The following IKZF3 variants were observed in gnomAD, a reference collection of about 807,000 sequenced individuals.
IKZF3 encodes IKAROS family zinc finger 3.
Under a neutral mutation model 49.0 loss-of-function variants are expected in IKZF3, and 10 were observed. The observed-to-expected ratio is 0.20, with a 90% CI of 0.13 to 0.35. The LOEUF (loss-of-function observed/expected upper bound fraction) is 0.35. Among genes scored for constraint, IKZF3 ranks in the 10% least tolerant of loss-of-function variants. IKZF3 has a pLI of 1.00. For missense variants in IKZF3, 498 were observed against 664.8 expected (o/e 0.75, Z 2.76); for synonymous variants, 209 against 228.2 (o/e 0.92, Z 0.76).
chr17:39,829,535 T>C, intron 2 of IKZF3, 47 bp from the exon 3 acceptor site: 1 of 1,349,222 alleles, frequency 7.4e-7, no homozygotes, highest in Non-Finnish European at 1.1e-6. Flanking sequence ...CGTTAAAGGA[T>C]TTTTATAAAT....
intron 7 of IKZF3, among the ~76,000 whole-genome samples, chr17:39,773,006 G>C (rs1166242757): frequency 6.6e-6 from 1 of 152,108 alleles, no homozygotes; most frequent in Admixed American, 6.6e-5. Flanking sequence ...AGTAGAGATA[G>C]GGTTTCACCA....
intron 1 of IKZF3, chr17:39,835,273 TG>T: frequency 3.6e-6 from 2 of 552,246 alleles, no homozygotes. Context: ...AGGGCCAGCT[TG>T]ATGGTCATCA....
chr17:39,761,396 G>A lies in IKZF3; in HGVS notation c.*4394C>T, dbSNP rs944959501. The A allele has an allele frequency of 6.6e-6, 1 of 151,450 alleles. No individual in the cohort carries two copies. The highest frequency in any genetic ancestry group is 6.6e-5 in the Admixed American group (1 of 15,208). 9.4% of individuals were successfully genotyped at this position (151,450 alleles called of 1,614,324 possible). A position where few individuals can be genotyped will look rare whatever the true frequency, so the allele number is the denominator to read the frequency against. On this transcript the variant is annotated 3_prime_UTR_variant, in exon 8 of 8. Coordinates refer to ENST00000346872, the MANE Select transcript of IKZF3 (RefSeq NM_012481.5). Reference sequence around the variant, plus strand: ...TAGTTTTCTTTCCGTAGGAAGTACCGATGCAACACTTCAGGTAGTGACAGA... The same window carrying A: ...TAGTTTTCTTTCCGTAGGAAGTACCAATGCAACACTTCAGGTAGTGACAGA...
intron 1 of IKZF3, among the ~76,000 whole-genome samples, chr17:39,863,880 T>A (rs2063287302): frequency 6.6e-6 from 1 of 152,232 alleles, no homozygotes; most frequent in African/African-American, 2.4e-5. Flanking sequence ...ACCCCCCATG[T>A]CTGACAACTC....
At position 39,777,781 on chromosome 17, in the gene IKZF3, A is replaced by G; in HGVS notation, c.710-14T>C. 1 of 1,606,258 alleles carries G rather than the reference A, an allele frequency of 6.2e-7. No homozygotes were observed. The highest frequency in any genetic ancestry group is 2.2e-5 in the East Asian group (1 of 44,802). On this transcript the variant is annotated splice_polypyrimidine_tract_variant and intron_variant, in intron 6 of 7. Transcript: ENST00000346872. ...CCTCCGCACTTGCTAGTTTGGAAAAATGTAAAAAGAAGAGAGAAAAGAACA... is the reference window on the plus strand; with the variant it reads ...CCTCCGCACTTGCTAGTTTGGAAAAGTGTAAAAAGAAGAGAGAAAAGAACA...
chr17:39,812,062 T>G (rs922509012), intron 3 of IKZF3, among the ~76,000 whole-genome samples: 3 of 152,228 alleles, frequency 2.0e-5, no homozygotes, highest in African/African-American at 7.2e-5. Context: ...TGTGTCCAGT[T>G]TAAACTTCAC....
At chr17:39,823,995 C>T (rs1268350663) in intron 3 of IKZF3, among the ~76,000 whole-genome samples, 1 of 152,184 alleles carries the variant, frequency 6.6e-6, no homozygotes, top group Non-Finnish European at 1.5e-5. Context: ...CCTCCAGACC[C>T]CAGAAGGGTA....
intron 3 of IKZF3, among the ~76,000 whole-genome samples, chr17:39,820,861 G>A (rs2061792903): frequency 6.6e-6 from 1 of 152,102 alleles, no homozygotes; most frequent in Admixed American, 6.6e-5. Flanking sequence ...GAGAGGAAAG[G>A]GAGCTGGAGA....
chr17:39,830,200 A>G (rs2062072466), intron 2 of IKZF3, among the ~76,000 whole-genome samples: 1 of 152,172 alleles, frequency 6.6e-6, no homozygotes. Flanking sequence ...ATGCTTTCCT[A>G]GGAGGAAGAT....
intron 3 of IKZF3, among the ~76,000 whole-genome samples, chr17:39,811,311 G>A (rs941488296): frequency 7.1e-6 from 1 of 140,876 alleles, no homozygotes; most frequent in African/African-American, 2.9e-5. Context: ...GAAAGAGAAA[G>A]AGAGAAGGAA....
intron 5 of IKZF3, among the ~76,000 whole-genome samples, chr17:39,788,658 A>C (rs2060932184): frequency 6.6e-6 from 1 of 152,196 alleles, no homozygotes; most frequent in East Asian, 1.9e-4. Flanking sequence ...GCTCCAGGTC[A>C]AATTTTGTTT....
At chr17:39,774,984 CT>C (rs1331800386) in intron 7 of IKZF3, among the ~76,000 whole-genome samples, 1 of 152,142 alleles carries the variant, frequency 6.6e-6, no homozygotes, top group East Asian at 1.9e-4. Context: ...CCTTTTATTT[CT>C]TTTCTAATTA....
intron 3 of IKZF3, among the ~76,000 whole-genome samples, chr17:39,810,635 C>G (rs1352028730): frequency 2.7e-5 from 4 of 149,014 alleles, no homozygotes; most frequent in Admixed American, 2.7e-4. Context: ...AAAAAAAAAC[C>G]CAATAAAATA....
chr17:39,773,911 A>G (rs144007690), intron 7 of IKZF3, among the ~76,000 whole-genome samples: 1 of 151,884 alleles, frequency 6.6e-6, no homozygotes. Context: ...TATTCTGACA[A>G]TGTAAAGATG....
chr17:39,860,182 T>C (rs1463560667), intron 1 of IKZF3, among the ~76,000 whole-genome samples: 1 of 152,014 alleles, frequency 6.6e-6, no homozygotes, highest in African/African-American at 2.4e-5. Flanking sequence ...GGCAGGAGGA[T>C]CGTCTGAGCC....
intron 1 of IKZF3, among the ~76,000 whole-genome samples, chr17:39,854,790 G>A (rs2099034578): frequency 6.6e-6 from 1 of 152,092 alleles, no homozygotes; most frequent in Admixed American, 6.6e-5. Context: ...GAAAAATGGG[G>A]AGTGAGGGAA....
chr17:39,797,869 T>C (rs1205056328), intron 3 of IKZF3, among the ~76,000 whole-genome samples: 4 of 152,144 alleles, frequency 2.6e-5, no homozygotes, highest in Non-Finnish European at 2.9e-5. Context: ...TGTATGGCAA[T>C]TTCATTCATT....
intron 1 of IKZF3, among the ~76,000 whole-genome samples, chr17:39,833,677 C>T (rs78136152): frequency 0.02 from 3,052 of 152,182 alleles, 115 homozygotes; most frequent in African/African-American, 0.07. Context: ...TTGATGGACA[C>T]CTAGACTGTT....
At chr17:39,844,691 C>T (rs1175550907) in intron 1 of IKZF3, among the ~76,000 whole-genome samples, 1 of 151,812 alleles carries the variant, frequency 6.6e-6, no homozygotes, top group African/African-American at 2.4e-5. Context: ...GGTGCGATCT[C>T]GGTTCACGGC....
Sources: allele counts gnomAD v4.1 joint callset (sites outside exome capture counted in the v4.1 genomes callset), GRCh38; gene constraint gnomAD v4.1.1; transcripts MANE v1.5; gene names NCBI Gene and HGNC (gene_info 2026-07-23, HGNC 2026-07-21).